Variants in DGKI observed in about 807,000 individuals in gnomAD.
The protein encoded by DGKI is diacylglycerol kinase iota, also known as DAG kinase iota.
In DGKI, 55 loss-of-function variants were observed where a neutral mutation model predicts 147.5. The observed-to-expected ratio is 0.37, with a 90% CI of 0.30 to 0.47. The LOEUF (loss-of-function observed/expected upper bound fraction) is 0.47, where lower values mean the gene tolerates loss of function less well. DGKI is among the 20% of genes least tolerant of loss of function. The probability of loss-of-function intolerance (pLI) is 1.00; values close to 1 mark genes in which losing one functional copy is unlikely to be tolerated. For missense variants in DGKI, 1,007 were observed against 1,323.8 expected, an observed-to-expected ratio of 0.76 and a Z score of 3.71; for synonymous variants, 469 against 477.1, an observed-to-expected ratio of 0.98 and a Z score of 0.22.
At chr7:137,738,750 C>G (rs1291414638) in intron 1 of DGKI, among the ~76,000 whole-genome samples, 1 of 148,114 alleles carries the variant, frequency 6.8e-6, no homozygotes, top group Non-Finnish European at 1.5e-5. Context: ...CTTTTCATAT[C>G]CGATTTACTA....
intron 1 of DGKI, among the ~76,000 whole-genome samples, chr7:137,800,439 T>C (rs1797165824): frequency 1.3e-5 from 2 of 151,750 alleles, no homozygotes; most frequent in Admixed American, 1.3e-4. Context: ...GTGTGCTACC[T>C]CCCCCCAACT....
chr7:137,638,552 G>A (rs1272316845), intron 6 of DGKI, among the ~76,000 whole-genome samples: 1 of 86,802 alleles, frequency 1.2e-5, no homozygotes, highest in Non-Finnish European at 2.2e-5. Context: ...ATATATATGT[G>A]TGTATATATA....
chr7:137,543,212 A>G (rs924260505), intron 20 of DGKI, among the ~76,000 whole-genome samples: 1 of 152,228 alleles, frequency 6.6e-6, no homozygotes, highest in Non-Finnish European at 1.5e-5. Context: ...TGTGTCTTCC[A>G]ATGAGGACTT....
chr7:137,835,020 C>T (rs999975123), intron 1 of DGKI, among the ~76,000 whole-genome samples: 7 of 152,132 alleles, frequency 4.6e-5, no homozygotes, highest in Non-Finnish European at 8.8e-5. Flanking sequence ...TGTCTTGTAC[C>T]GTATTTTCTA....
At chr7:137,494,938 C>A (rs187148694) in intron 21 of DGKI, among the ~76,000 whole-genome samples, 1 of 151,866 alleles carries the variant, frequency 6.6e-6, no homozygotes, top group African/African-American at 2.4e-5. Context: ...AGGTCACATG[C>A]GATGACACAC....
chr7:137,727,678 A>T (rs1313681013), intron 1 of DGKI, among the ~76,000 whole-genome samples: 1 of 152,066 alleles, frequency 6.6e-6, no homozygotes, highest in Non-Finnish European at 1.5e-5. Flanking sequence ...AAATGACTAC[A>T]TTTTTTCTTA....
At chr7:137,768,853 G>C (rs565327978) in intron 1 of DGKI, among the ~76,000 whole-genome samples, 24 of 152,222 alleles carry the variant, frequency 1.6e-4, no homozygotes, top group South Asian at 2.1e-4. Context: ...CTATTCAATG[G>C]TCTATATGGC....
intron 21 of DGKI, among the ~76,000 whole-genome samples, chr7:137,512,703 A>G (rs1452959509): frequency 1.3e-5 from 2 of 152,230 alleles, no homozygotes; most frequent in African/African-American, 4.8e-5. Flanking sequence ...GAAGGATCAA[A>G]TATCATCATC....
chr7:137,438,240 C>T (rs1286339477), intron 28 of DGKI, among the ~76,000 whole-genome samples: 2 of 151,912 alleles, frequency 1.3e-5, no homozygotes, highest in African/African-American at 4.8e-5. Context: ...AGAACACAAC[C>T]AACCAGGTGG....
intron 21 of DGKI, among the ~76,000 whole-genome samples, chr7:137,509,388 A>C (rs1007795900): frequency 1.3e-5 from 2 of 152,200 alleles, no homozygotes; most frequent in African/African-American, 4.8e-5. Context: ...GCAGAAAGAC[A>C]AGAAGGGAAG....
At chr7:137,417,103 A>T (rs76824375) in intron 28 of DGKI, among the ~76,000 whole-genome samples, 1,699 of 152,306 alleles carry the variant, frequency 0.011, 21 homozygotes, top group Non-Finnish European at 0.017. Flanking sequence ...ACAAATAATG[A>T]GTTGTTATGA....
At chr7:137,460,936 A>G (rs538575142) in intron 27 of DGKI, among the ~76,000 whole-genome samples, 45 of 152,292 alleles carry the variant, frequency 3.0e-4, no homozygotes, top group African/African-American at 1.1e-3. Flanking sequence ...ATATTTAGCA[A>G]TTTTAAACTG....
At chr7:137,824,531 AAAAAG>A (rs71177922) in intron 1 of DGKI, among the ~76,000 whole-genome samples, 9,740 of 59,908 alleles carry the variant, frequency 0.16, 706 homozygotes, top group African/African-American at 0.3. Context: ...AAAAAAAAAG[AAAAAG>A]AAAAGAAAAT....
chr7:137,554,411 A>G (rs553012314), intron 19 of DGKI, among the ~76,000 whole-genome samples: 24 of 152,304 alleles, frequency 1.6e-4, no homozygotes, highest in African/African-American at 5.5e-4. Context: ...GTCGCTGTCT[A>G]TTTAACCTAG....
intron 23 of DGKI, among the ~76,000 whole-genome samples, chr7:137,479,017 T>C (rs540434652): frequency 1.7e-4 from 26 of 152,298 alleles, no homozygotes; most frequent in African/African-American, 4.8e-4. Flanking sequence ...CCTCTAACCA[T>C]CATATCCAAA....
intron 22 of DGKI, 95 bp from the exon 23 acceptor site, chr7:137,485,513 T>C: frequency 1.1e-6 from 1 of 913,414 alleles, no homozygotes; most frequent in South Asian, 1.6e-5. Flanking sequence ...AATTTAATAT[T>C]ACTATGCTCA....
chr7:137,651,023 T>C (rs955529155), intron 5 of DGKI, among the ~76,000 whole-genome samples: 4 of 152,196 alleles, frequency 2.6e-5, no homozygotes, highest in South Asian at 2.1e-4. Context: ...TGTGGACCTT[T>C]TCATGCCAAG....
intron 1 of DGKI, among the ~76,000 whole-genome samples, chr7:137,779,750 G>C (rs541845043): frequency 2.0e-5 from 3 of 152,248 alleles, no homozygotes; most frequent in Non-Finnish European, 4.4e-5. Flanking sequence ...TTAAAATAAA[G>C]TCTATAAATT....
chr7:137,517,317 AAG>A (rs1189329129), intron 21 of DGKI, among the ~76,000 whole-genome samples: 13 of 134,426 alleles, frequency 9.7e-5, no homozygotes, highest in South Asian at 2.7e-4. Flanking sequence ...GAAAGAAAGA[AAG>A]AAAGAAAGAA....
Sources: gnomAD v4.1 joint callset for allele counts (sites outside exome capture counted in the v4.1 genomes callset) on GRCh38, gnomAD v4.1.1 for gene constraint, MANE v1.5 for transcripts, NCBI Gene and HGNC (gene_info 2026-07-23, HGNC 2026-07-21) for gene names.